THBS3: variants seen among roughly 807,000 people sequenced by gnomAD.
The protein encoded by THBS3 is thrombospondin 3, also known as thrombospondin-3.
Under a neutral mutation model 118.3 loss-of-function variants are expected in THBS3, and 78 were observed. That is an observed-to-expected ratio of 0.66 (90% confidence interval 0.55 to 0.80). The LOEUF is 0.80. THBS3 is among the 30% of genes least tolerant of loss of function. The probability of loss-of-function intolerance (pLI) is 0.00; values close to 1 mark genes in which losing one functional copy is unlikely to be tolerated. For synonymous variants in THBS3, 427 were observed against 475.3 expected, an observed-to-expected ratio of 0.90 and a Z score of 1.32; for missense variants, 1,057 against 1,247.4, an observed-to-expected ratio of 0.85 and a Z score of 2.30.
In THBS3 at chr1:155,202,702, TA is replaced by T; in HGVS notation, c.957+109del. ...CATTTCTCTTGCCTCTGACCTCTCC[TA>T]AACTCCAGATTCCTCTCCTCCGGAC... On this transcript the variant is annotated intron_variant, in intron 8 of 22. Transcript: ENST00000368378. The surrounding 1 kb of genome is among the most constrained non-coding windows in gnomAD (Gnocchi z 5.5). 1 of 1,467,786 alleles carries T rather than the reference TA, an allele frequency of 6.8e-7. No individual in the cohort carries two copies. Among genetic ancestry groups the T allele is most frequent in the Non-Finnish European group, 9.2e-7 (1 of 1,092,274 alleles). 90.9% of individuals were successfully genotyped at this position (1,467,786 alleles called of 1,614,324 possible).
At position 155,197,549 on chromosome 1, in the gene THBS3, A is replaced by G; in HGVS notation, c.2413T>C (p.Tyr805His). The change falls in exon 20 of 23, where the codon TAC (tyrosine) becomes CAC (histidine). Residue 805 changes from tyrosine to histidine, a missense_variant. Physicochemically the swap from Tyr to His is moderately conservative, Grantham distance 83 (BLOSUM62 2). Around this residue, in one of 3 missense-constraint regions of THBS3, gnomAD observed 307 missense variants for 326.1 expected, o/e 0.94. Coordinates refer to ENST00000368378, the MANE Select transcript of THBS3 (RefSeq NM_007112.5). This position sits in a 1 kb window ranked among gnomAD's most constrained non-coding sequence, Gnocchi z 5.0. Reference protein sequence around the residue: ...LFSYQDSGRFYVVMWKQTEQT... With the variant: ...LFSYQDSGRFHVVMWKQTEQT... ...TCGGTCTGCTTCCACATGACTACGTAGAAGCGGCCACTGTCTTGATAACTG... is the reference window on the plus strand; with the variant it reads ...TCGGTCTGCTTCCACATGACTACGTGGAAGCGGCCACTGTCTTGATAACTG... 1.2e-6 allele frequency: 2 copies of G among 1,614,066 alleles called. No homozygotes were observed. Among genetic ancestry groups the G allele is most frequent in the Non-Finnish European group, 1.7e-6 (2 of 1,180,000 alleles).
At position 155,195,808 on chromosome 1, in the gene THBS3, A is replaced by AAATTCTG; in HGVS notation, c.*26_*32dup. 1 of 1,611,836 alleles carries AAATTCTG rather than the reference A, an allele frequency of 6.2e-7. No individual in the cohort carries two copies. The highest frequency in any genetic ancestry group is 1.1e-5 in the South Asian group (1 of 91,018). ...ATGGACCCCAAGGCCAAAGGGTCTA[A>AAATTCTG]AATTCTGAATTCTGAATCTGGTGGC... On this transcript the variant is annotated 3_prime_UTR_variant, in exon 23 of 23. Coordinates refer to ENST00000368378, the MANE Select transcript of THBS3 (RefSeq NM_007112.5).
Position 155,202,061 on chromosome 1 carries a change from C to G in THBS3, c.1099-27G>C, listed in dbSNP as rs1246674148. Reference sequence around the variant, plus strand: ...TGAAGGGGCAGACTTTGGGTGGAACCAGACCTATGGTGGGTCTCCTCAGAT... The same window carrying G: ...TGAAGGGGCAGACTTTGGGTGGAACGAGACCTATGGTGGGTCTCCTCAGAT... On this transcript the variant is annotated intron_variant, in intron 9 of 22. Coordinates refer to ENST00000368378, the MANE Select transcript of THBS3 (RefSeq NM_007112.5). The surrounding 1 kb of genome is among the most constrained non-coding windows in gnomAD (Gnocchi z 5.5). 1.9e-6 allele frequency: 3 copies of G among 1,614,056 alleles called. No homozygotes were observed. The highest frequency in any genetic ancestry group is 4.5e-5 in the East Asian group (2 of 44,888).
At position 155,198,483 on chromosome 1, in the gene THBS3, C is replaced by G. The variant is rs780648484; in HGVS notation, c.2000G>C (p.Gly667Ala). 2 of 1,614,152 alleles carry G rather than the reference C, an allele frequency of 1.2e-6. No individual in the cohort carries two copies. Among genetic ancestry groups the G allele is most frequent in the Non-Finnish European group, 8.5e-7 (1 of 1,180,018 alleles). Residue 667 changes from glycine to alanine, a missense_variant, in exon 17 of 23, where the codon GGC (glycine) becomes GCC (alanine). Coordinates refer to ENST00000368378, the MANE Select transcript of THBS3 (RefSeq NM_007112.5). ...DECDGDDDND[G>A]IPDYVPPGPD... Reference sequence around the variant, plus strand: ...ACCAGGAGGCACATAATCTGGGATGCCATCATTGTCATCATCCCCATCACA... The same window carrying G: ...ACCAGGAGGCACATAATCTGGGATGGCATCATTGTCATCATCCCCATCACA...
intron 14 of THBS3, 169 bp from the exon 15 acceptor site, chr1:155,200,282 A>G (rs753701995): frequency 2.1e-4 from 213 of 999,704 alleles, no homozygotes; most frequent in Non-Finnish European, 2.9e-4. Context: ...ACTACGCCCT[A>G]CCTCACATTC....
In THBS3 at chr1:155,197,120, C is replaced by G. The variant is rs750619862; in HGVS notation, c.2593G>C (p.Asp865His). 6.2e-7 allele frequency: 1 copy of G among 1,614,086 alleles called. No homozygotes were observed. Among genetic ancestry groups the G allele is most frequent in the Non-Finnish European group, 8.5e-7 (1 of 1,180,052 alleles). ...TCCCGCCAGCCCACATTTCGTGGGT[C>G]TGTCCACAGCAGTCGTACCTGATCA... Reference protein sequence around the residue: ...TPDQVRLLWTDPRNVGWRDKT... With the variant: ...TPDQVRLLWTHPRNVGWRDKT... The change falls in exon 21 of 23, where the codon GAC (aspartate) becomes CAC (histidine). Residue 865 changes from aspartate (D) to histidine (H), a missense_variant. Transcript: ENST00000368378. This position sits in a 1 kb window ranked among gnomAD's most constrained non-coding sequence, Gnocchi z 5.0.
upstream of THBS3, among the ~76,000 whole-genome samples, chr1:155,208,519 G>A (rs1053735039): frequency 9.2e-5 from 14 of 152,238 alleles, no homozygotes; most frequent in Non-Finnish European, 1.8e-4. Context: ...AACCAAAAAA[G>A]AGGAAAGGGA....
intron 10 of THBS3, 108 bp from the exon 11 acceptor site, chr1:155,201,677 G>T: frequency 1.6e-6 from 2 of 1,258,074 alleles, no homozygotes; most frequent in Non-Finnish European, 1.1e-6. Context: ...GTTATGCCAG[G>T]CATATCAGTA....
At position 155,197,688 on chromosome 1, in the gene THBS3, G is replaced by T; in HGVS notation, c.2303-29C>A. 2.5e-6 allele frequency: 4 copies of T among 1,608,210 alleles called. No homozygotes were observed. Among genetic ancestry groups the T allele is most frequent in the Non-Finnish European group, 3.4e-6 (4 of 1,175,340 alleles). On this transcript the variant is annotated intron_variant, in intron 19 of 22. Transcript: ENST00000368378. The surrounding 1 kb of genome is among the most constrained non-coding windows in gnomAD (Gnocchi z 5.0). ...GGGTGGGGGTGGGATAAAGGTCAGG[G>T]GCAGCAAAGCTACTGGCGGCCCATC... is the stretch of plus-strand genomic sequence containing the variant.
intron 10 of THBS3, 142 bp downstream of exon 10, chr1:155,201,815 A>G: frequency 1.5e-6 from 2 of 1,304,272 alleles, no homozygotes; most frequent in Non-Finnish European, 1.1e-6. Context: ...CAGTATTCCA[A>G]ACCAAGTCCA....
Position 155,202,444 on chromosome 1 carries a change from GAAACTC to G in THBS3, c.958-49_958-44del. 1 of 1,604,634 alleles carries G rather than the reference GAAACTC, an allele frequency of 6.2e-7. No homozygotes were observed. The highest frequency in any genetic ancestry group is 8.5e-7 in the Non-Finnish European group (1 of 1,175,770). ...AGGCAGAGGTCAGGCCGCCCTCTGG[GAAACTC>G]AGGTCCCTGCCTGTGATCCAGGAAC... On this transcript the variant is annotated intron_variant, in intron 8 of 22. Coordinates refer to ENST00000368378, the MANE Select transcript of THBS3 (RefSeq NM_007112.5). This position sits in a 1 kb window ranked among gnomAD's most constrained non-coding sequence, Gnocchi z 5.5.
rs1425254332 is a variant in THBS3, at chr1:155,198,175, G to A, written c.2120C>T (p.Ala707Val). Residue 707 changes from alanine to valine, a missense_variant, in exon 18 of 23, where the codon GCT becomes GTT. Transcript: ENST00000368378. ...ACACACATCCAGGGGGTCGACCACA[G>A]CATCATTGTCAAAGTCATCCTCACA... Reference protein sequence around the residue: ...DVCEDDFDNDAVVDPLDVCPE... With the variant: ...DVCEDDFDNDVVVDPLDVCPE... 4 of 1,614,172 alleles carry A rather than the reference G, an allele frequency of 2.5e-6. No individual in the cohort carries two copies. In the Admixed American group the frequency reaches 6.7e-5, roughly 27 times the overall value.
At position 155,196,774 on chromosome 1, in the gene THBS3, C is replaced by T. The variant is rs1668738223; in HGVS notation, c.2672+267G>A. The T allele has an allele frequency of 3.2e-5, 16 of 494,110 alleles. 1 individual carries two copies. In the South Asian group the frequency reaches 4.6e-4, roughly 14 times the overall value. 30.6% of individuals were successfully genotyped at this position (494,110 alleles called of 1,614,324 possible). A position where few individuals can be genotyped will look rare whatever the true frequency, so the allele number is the denominator to read the frequency against. On this transcript the variant is annotated intron_variant, in intron 21 of 22. Transcript: ENST00000368378. ...ACTAAGGGACCAGATGTGATGTGCC[C>T]CTTCACAGATTGGCCTGGGTTTGGA...
intron 1 of THBS3, among the ~76,000 whole-genome samples, chr1:155,207,024 G>A (rs1393141032): frequency 2.0e-5 from 3 of 152,154 alleles, no homozygotes; most frequent in East Asian, 1.9e-4. Context: ...ACCAGGTGGC[G>A]CAAAGGAGAT....
intron 1 of THBS3, 52 bp downstream of exon 1, chr1:155,207,746 G>A (rs1670764145): frequency 6.3e-7 from 1 of 1,591,826 alleles, no homozygotes; most frequent in South Asian, 1.1e-5. Flanking sequence ...TTGGGCTGAG[G>A]GCAAATGGGG....
chr1:155,201,461 G>C lies in THBS3; in HGVS notation c.1285C>G (p.His429Asp). Residue 429 changes from histidine (H) to aspartate (D), a missense_variant, in exon 11 of 23, where the codon CAT (histidine) becomes GAT (aspartate). His to Asp is a moderately conservative substitution (Grantham distance 81, BLOSUM62 -1). Around this residue, in one of 3 missense-constraint regions of THBS3, gnomAD observed 544 missense variants for 715.6 expected, o/e 0.76. Coordinates refer to ENST00000368378, the MANE Select transcript of THBS3 (RefSeq NM_007112.5). ...HSPAHSPCHIHAHCLFERNGA... is the reference protein window; with the variant it reads ...HSPAHSPCHIDAHCLFERNGA... ...TTGCGTTCAAAGAGACAGTGAGCAT[G>C]GATGTGGCAGGGGCTGTGGGCTGGG... 6.2e-7 allele frequency: 1 copy of C among 1,613,446 alleles called. No homozygotes were observed. Among genetic ancestry groups the C allele is most frequent in the Non-Finnish European group, 8.5e-7 (1 of 1,179,632 alleles).
Position 155,202,544 on chromosome 1 carries a change from C to A in THBS3, c.958-143G>T. The A allele has an allele frequency of 7.8e-7, 1 of 1,274,612 alleles. No homozygotes were observed. The highest frequency in any genetic ancestry group is 1.1e-6 in the Non-Finnish European group (1 of 944,394). The allele number at this position is 1,274,612 out of a possible 1,614,324, so 79.0% of individuals were successfully genotyped here. ...TGCCTTGTGCTCCTGGTCCCCACCC[C>A]ACTTCCCTCGGGGTTCCCTCTCTCC... On this transcript the variant is annotated intron_variant, in intron 8 of 22. Coordinates refer to ENST00000368378, the MANE Select transcript of THBS3 (RefSeq NM_007112.5). The surrounding 1 kb of genome is among the most constrained non-coding windows in gnomAD (Gnocchi z 5.5).
In THBS3 at chr1:155,197,781, G is replaced by A. The variant is rs1042076241; in HGVS notation, c.2302+99C>T. The A allele has an allele frequency of 1.1e-5, 18 of 1,592,878 alleles. No homozygotes were observed. The highest frequency in any genetic ancestry group is 9.4e-5 in the African/African-American group (7 of 74,430). ...AGCTTGTGCCACTGCCTTCTCTCTC[G>A]CCACTTTGCCCATTCTCCCTGTCTG... On this transcript the variant is annotated intron_variant, in intron 19 of 22. Transcript: ENST00000368378. The surrounding 1 kb of genome is among the most constrained non-coding windows in gnomAD (Gnocchi z 5.0).
At chr1:155,201,896 G>A (rs1013713053) in intron 10 of THBS3, 61 bp downstream of exon 10, 34 of 1,605,682 alleles carry the variant, frequency 2.1e-5, no homozygotes, top group Non-Finnish European at 2.7e-5. Context: ...GTAAGAAGGG[G>A]CGGGGGTTGG....
Sources: allele counts gnomAD v4.1 joint callset (sites outside exome capture counted in the v4.1 genomes callset), GRCh38; gene constraint gnomAD v4.1.1; regional missense constraint gnomAD v4.1.1; non-coding constraint Gnocchi (gnomAD v3.1); transcripts MANE v1.5; gene names NCBI Gene and HGNC (gene_info 2026-07-23, HGNC 2026-07-21).